Variants in ADAMTS17 observed in about 807,000 individuals in gnomAD.
ADAMTS17 encodes A disintegrin and metalloproteinase with thrombospondin motifs 17.
In ADAMTS17, 113 loss-of-function variants were observed where a neutral mutation model predicts 141.5. The ratio of observed to expected loss-of-function variants is 0.80; its 90% CI spans 0.69 to 0.93. ADAMTS17 has a LOEUF of 0.93. ADAMTS17 is among the 40% of genes least tolerant of loss of function. The pLI, the probability that ADAMTS17 is intolerant of heterozygous loss-of-function variation, is 0.00. For missense variants in ADAMTS17, 1,659 were observed against 1,517.9 expected, an observed-to-expected ratio of 1.09 and a Z score of -1.54; for synonymous variants, 768 against 630.6, an observed-to-expected ratio of 1.22 and a Z score of -3.27.
intron 15 of ADAMTS17, among the ~76,000 whole-genome samples, chr15:100,057,540 C>T (rs922812260): frequency 2.0e-5 from 3 of 152,138 alleles, no homozygotes; most frequent in African/African-American, 4.8e-5. Flanking sequence ...GCCCCAGGCT[C>T]GTCCCTGGTT....
chr15:100,011,842 T>C (rs2061190398), intron 18 of ADAMTS17, among the ~76,000 whole-genome samples: 1 of 152,262 alleles, frequency 6.6e-6, no homozygotes, highest in Non-Finnish European at 1.5e-5. Context: ...AATTGTGAAT[T>C]GTGCTGCTAC....
intron 4 of ADAMTS17, among the ~76,000 whole-genome samples, chr15:100,275,707 G>A (rs1224994200): frequency 1.3e-5 from 2 of 152,052 alleles, no homozygotes; most frequent in Admixed American, 6.6e-5. Flanking sequence ...GGTATGAGAA[G>A]GCAGTAAGGT....
chr15:100,106,899 G>A (rs887037210), intron 14 of ADAMTS17, among the ~76,000 whole-genome samples: 3 of 152,224 alleles, frequency 2.0e-5, no homozygotes, highest in Non-Finnish European at 4.4e-5. Context: ...GACATTCTTT[G>A]TTACAAGAAA....
At chr15:100,031,360 A>C (rs922984311) in intron 18 of ADAMTS17, among the ~76,000 whole-genome samples, 1 of 152,242 alleles carries the variant, frequency 6.6e-6, no homozygotes, top group African/African-American at 2.4e-5. Context: ...GCTGTAAAGC[A>C]TGAGCAGGTA....
intron 8 of ADAMTS17, among the ~76,000 whole-genome samples, chr15:100,182,010 G>A (rs754773881): frequency 4.6e-5 from 7 of 152,352 alleles, no homozygotes; most frequent in Non-Finnish European, 7.3e-5. Flanking sequence ...TGGGATGGGT[G>A]ATTCCTCTTC....
intron 7 of ADAMTS17, among the ~76,000 whole-genome samples, chr15:100,214,251 T>C (rs1038641587): frequency 9.9e-5 from 15 of 152,156 alleles, no homozygotes; most frequent in Non-Finnish European, 1.5e-4. Flanking sequence ...AGAGGAAAAC[T>C]TGTCATCTGG....
intron 7 of ADAMTS17, among the ~76,000 whole-genome samples, chr15:100,222,243 C>G (rs2042156553): frequency 6.6e-6 from 1 of 152,078 alleles, no homozygotes; most frequent in Non-Finnish European, 1.5e-5. Context: ...AGGTAAGCAC[C>G]GAGGAGGTGC....
At chr15:100,134,898 G>T (rs11634556) in intron 10 of ADAMTS17, among the ~76,000 whole-genome samples, 1 of 152,064 alleles carries the variant, frequency 6.6e-6, no homozygotes, top group East Asian at 1.9e-4. Context: ...GTAAAAAGAT[G>T]AGAGCCCCAG....
chr15:100,108,931 G>A (rs1266278111), intron 14 of ADAMTS17, 58 bp downstream of exon 14: 13 of 1,609,712 alleles, frequency 8.1e-6, no homozygotes, highest in Non-Finnish European at 1.1e-5. Flanking sequence ...CTCCCTGTCT[G>A]GGGAGAGTGA....
At chr15:100,065,092 TATA>T (rs1399140223) in intron 15 of ADAMTS17, among the ~76,000 whole-genome samples, 1 of 152,178 alleles carries the variant, frequency 6.6e-6, no homozygotes, top group Non-Finnish European at 1.5e-5. Flanking sequence ...GATTTATTTT[TATA>T]ATAAAAATAG....
intron 14 of ADAMTS17, among the ~76,000 whole-genome samples, chr15:100,106,361 C>T (rs1000908347): frequency 6.6e-6 from 1 of 152,226 alleles, no homozygotes; most frequent in Non-Finnish European, 1.5e-5. Context: ...TAAGACGACA[C>T]CCAAGTGCAG....
At position 100,341,765 on chromosome 15, in the gene ADAMTS17, A is replaced by G. The variant is rs2046374245; in HGVS notation, c.79+56T>C. On this transcript the variant is annotated intron_variant, in intron 1 of 21. Coordinates refer to ENST00000268070, the MANE Select transcript of ADAMTS17 (RefSeq NM_139057.4). ...GGCCGCCAGGACGCCGCGAGAACGC[A>G]GAGGGAAGGTAGCCGCAGGACGCGG... 18 of 1,525,732 alleles carry G rather than the reference A, an allele frequency of 1.2e-5. No homozygotes were observed. In the East Asian group the frequency reaches 4.7e-4, roughly 40 times the overall value. 94.5% of individuals were successfully genotyped at this position (1,525,732 alleles called of 1,614,324 possible). A position where few individuals can be genotyped will look rare whatever the true frequency, so the allele number is the denominator to read the frequency against.
At chr15:100,128,532 C>A (rs2141218259) in intron 12 of ADAMTS17, 1 of 152,276 alleles carries the variant, frequency 6.6e-6, no homozygotes, top group East Asian at 1.9e-4. Flanking sequence ...GCAAATTCTC[C>A]CATTCCTCAA....
At chr15:100,242,803 CT>C (rs2042867084) in intron 7 of ADAMTS17, among the ~76,000 whole-genome samples, 1 of 152,206 alleles carries the variant, frequency 6.6e-6, no homozygotes, top group Admixed American at 6.5e-5. Flanking sequence ...CATCTTACTT[CT>C]TTAAAAAAAT....
intron 7 of ADAMTS17, among the ~76,000 whole-genome samples, chr15:100,234,430 C>T (rs894898106): frequency 6.6e-6 from 1 of 152,170 alleles, no homozygotes; most frequent in African/African-American, 2.4e-5. Context: ...CAGTCATGTA[C>T]TGGGAAGGAG....
At chr15:100,193,993 G>A (rs1171051619) in intron 8 of ADAMTS17, among the ~76,000 whole-genome samples, 2 of 152,192 alleles carry the variant, frequency 1.3e-5, no homozygotes, top group African/African-American at 4.8e-5. Context: ...CTTGAACCCT[G>A]GTCTGGCTCA....
At chr15:100,092,920 G>T (rs185168156) in intron 15 of ADAMTS17, among the ~76,000 whole-genome samples, 1 of 152,070 alleles carries the variant, frequency 6.6e-6, no homozygotes, top group Admixed American at 6.5e-5. Flanking sequence ...GGAGCAGGGC[G>T]GAATAAAGAT....
chr15:100,239,032 G>A (rs1053575633), intron 7 of ADAMTS17, among the ~76,000 whole-genome samples: 2 of 152,224 alleles, frequency 1.3e-5, no homozygotes, highest in Non-Finnish European at 1.5e-5. Flanking sequence ...GGAGCTTGCA[G>A]TGAGCCGAGA....
chr15:100,171,463 T>C (rs1307569753), intron 8 of ADAMTS17, among the ~76,000 whole-genome samples: 1 of 152,158 alleles, frequency 6.6e-6, no homozygotes, highest in East Asian at 1.9e-4. Flanking sequence ...CTGAGGGAGC[T>C]GTCACTCAAG....
Sources: allele counts gnomAD v4.1 joint callset (sites outside exome capture counted in the v4.1 genomes callset), GRCh38; gene constraint gnomAD v4.1.1; transcripts MANE v1.5; gene names NCBI Gene and HGNC (gene_info 2026-07-23, HGNC 2026-07-21).